Variants in MIA2 observed in about 807,000 individuals in gnomAD.
MIA2 encodes the protein MIA SH3 domain ER export factor 2.
A neutral mutation model predicts 167.8 loss-of-function variants in MIA2; 127 were observed. The observed-to-expected ratio is 0.76, with a 90% confidence interval of 0.66 to 0.88. MIA2 has a LOEUF of 0.88. Among genes scored for constraint, MIA2 ranks in the 40% least tolerant of loss-of-function variants. The pLI is 0.00. For missense variants in MIA2, 1,690 were observed against 1,624.7 expected (o/e 1.04, Z -0.69); for synonymous variants, 552 against 541.9 (o/e 1.02, Z -0.26).
At chr14:39,347,845 G>C in intron 27 of MIA2, 74 bp downstream of exon 27, 2 of 1,164,960 alleles carry the variant, frequency 1.7e-6, no homozygotes, top group East Asian at 6.7e-5. Flanking sequence ...TTTTTTTATG[G>C]AGTTTCACTA....
intron 4 of MIA2, among the ~76,000 whole-genome samples, chr14:39,250,620 C>T (rs1001195672): frequency 2.6e-5 from 4 of 151,370 alleles, no homozygotes; most frequent in Admixed American, 1.3e-4. Context: ...CACTGGACCC[C>T]GGGAGGCGGA....
At chr14:39,379,416 A>G (rs572428615) in intron 23 of MIA2, among the ~76,000 whole-genome samples, 9 of 152,244 alleles carry the variant, frequency 5.9e-5, no homozygotes, top group Non-Finnish European at 1.2e-4. Context: ...ACCTTAATTT[A>G]AAACCTTAAA....
At chr14:39,294,792 C>T (rs1469878255) in intron 12 of MIA2, 133 bp from the exon 13 acceptor site, 1 of 673,634 alleles carries the variant, frequency 1.5e-6, no homozygotes, top group Non-Finnish European at 2.7e-6. Context: ...TTTTCTGCTA[C>T]ACCATGCTGC....
intron 23 of MIA2, among the ~76,000 whole-genome samples, chr14:39,369,046 A>G (rs1401472911): frequency 2.6e-5 from 4 of 152,224 alleles, no homozygotes; most frequent in Non-Finnish European, 5.9e-5. Flanking sequence ...CATGTTTCAG[A>G]AAGATGAACT....
chr14:39,241,165 T>C (rs1379894463), intron 3 of MIA2, among the ~76,000 whole-genome samples: 1 of 152,216 alleles, frequency 6.6e-6, no homozygotes, highest in Non-Finnish European at 1.5e-5. Context: ...TATCTGTACA[T>C]CCTCTTTTGC....
rs1396166559 is a variant in MIA2, at chr14:39,320,998, A to G, written c.3438A>G (p.Pro1146=). 2 of 1,613,600 alleles carry G rather than the reference A, an allele frequency of 1.2e-6. No homozygotes were observed. The highest frequency in any genetic ancestry group is 1.7e-5 in the Admixed American group (1 of 59,960). Residue 1146 remains proline (P), a synonymous_variant, in exon 24 of 29, where the codon CCA becomes CCG. Transcript: ENST00000640607. ...AAACAAGAGCTTTTCTCTCTCCTCC[A>G]ACTTTGTTGGAGGGTCCACTCAGAC... The part of the protein sequence containing the change: ...SSETRAFLSP[P]TLLEGPLRLS...
At chr14:39,339,719 T>C (rs1566983975) in intron 25 of MIA2, among the ~76,000 whole-genome samples, 1 of 152,236 alleles carries the variant, frequency 6.6e-6, no homozygotes, top group Non-Finnish European at 1.5e-5. Flanking sequence ...TTTATATCTA[T>C]ACTGTCCAGT....
chr14:39,356,009 A>T (rs144807366), downstream of MIA2, among the ~76,000 whole-genome samples: 7,895 of 152,194 alleles, frequency 0.052, 728 homozygotes, highest in African/African-American at 0.18. Flanking sequence ...TTGGTCTAAA[A>T]TTCTCTTTTT....
intron 23 of MIA2, among the ~76,000 whole-genome samples, chr14:39,364,435 G>GTT (rs112891428): frequency 1.4e-5 from 2 of 147,210 alleles, no homozygotes; most frequent in East Asian, 2.0e-4. Flanking sequence ...TGGTTTGTTG[G>GTT]TTTTTTTTTT....
intron 6 of MIA2, among the ~76,000 whole-genome samples, chr14:39,261,812 C>T (rs1441805690): frequency 2.0e-5 from 3 of 152,126 alleles, no homozygotes; most frequent in African/African-American, 7.2e-5. Flanking sequence ...CTGTTCATAT[C>T]CTTCACCCAC....
At chr14:39,267,461 T>C (rs1339883230) in intron 6 of MIA2, 15 of 1,612,464 alleles carry the variant, frequency 9.3e-6, no homozygotes, top group Non-Finnish European at 1.3e-5. Flanking sequence ...TTTGGCGCTA[T>C]GGAGGAGCCC....
rs183100558 is a variant in MIA2, at chr14:39,339,270, G to T, written c.3656-6634G>T. On this transcript the variant is annotated intron_variant, in intron 25 of 28. Transcript: ENST00000640607. Reference sequence around the variant, plus strand: ...ACAGCCCGCGGAAAGGTACTGGCCCGCAGCCCAGGGGTTAGGGACCCCTGC... The same window carrying T: ...ACAGCCCGCGGAAAGGTACTGGCCCTCAGCCCAGGGGTTAGGGACCCCTGC... 1.7e-3 allele frequency among the ~76,000 whole-genome samples: 265 copies of T among 152,268 alleles called. 1 individual carries two copies. The highest frequency in any genetic ancestry group is 1.5e-3 in the Non-Finnish European group (105 of 68,022).
chr14:39,317,879 A>G, intron 21 of MIA2, 65 bp from the exon 22 acceptor site: 1 of 1,020,292 alleles, frequency 9.8e-7, no homozygotes, highest in Non-Finnish European at 1.4e-6. Flanking sequence ...GTTTATATTG[A>G]CATATTTATG....
At chr14:39,321,996 C>T (rs1191470891) in intron 24 of MIA2, among the ~76,000 whole-genome samples, 5 of 151,756 alleles carry the variant, frequency 3.3e-5, no homozygotes, top group African/African-American at 9.7e-5. Context: ...AGGCTGGTCT[C>T]GAACTCCTGA....
At chr14:39,312,194 G>A (rs1457408229) in intron 18 of MIA2, among the ~76,000 whole-genome samples, 1 of 152,066 alleles carries the variant, frequency 6.6e-6, no homozygotes, top group Non-Finnish European at 1.5e-5. Context: ...TTATTAATAG[G>A]CCCACCCAAA....
chr14:39,352,421 A>G (rs2074413094), downstream of MIA2, among the ~76,000 whole-genome samples: 1 of 152,008 alleles, frequency 6.6e-6, no homozygotes, highest in African/African-American at 2.4e-5. Context: ...AAAATCTTAA[A>G]AAAGGATATA....
rs1477541588 is a variant in MIA2, at chr14:39,263,554, CTTCTT to C, written c.1887+10387_1887+10391del. ...CCAGCATCTTTCTTTTCTTTTCTTT[CTTCTT>C]TTCCTTTCCTTTCCTTTCCTTTCCT... On this transcript the variant is annotated intron_variant, in intron 6 of 28. Transcript: ENST00000640607. Among the ~76,000 whole-genome samples the C allele has an allele frequency of 3.1e-4, 42 of 133,452 alleles. 1 individual carries two copies. Among genetic ancestry groups the C allele is most frequent in the Middle Eastern group, 3.9e-3 (1 of 258 alleles). The allele number at this position is 133,452 out of a possible 152,430, so 87.5% of individuals were successfully genotyped here. A position where few individuals can be genotyped will look rare whatever the true frequency, so the allele number is the denominator to read the frequency against.
chr14:39,318,022 T>A lies in MIA2; in HGVS notation c.3284+11T>A. 6.5e-7 allele frequency: 1 copy of A among 1,547,152 alleles called. No individual in the cohort carries two copies. The highest frequency in any genetic ancestry group is 8.7e-7 in the Non-Finnish European group (1 of 1,143,732). ...TCACAACAGACAAAAGTAAGTATCT[T>A]AGTGGGAACATTTAAAATTAGTTAT... On this transcript the variant is annotated intron_variant, in intron 22 of 28. Transcript: ENST00000640607.
intron 7 of MIA2, among the ~76,000 whole-genome samples, chr14:39,278,761 G>T (rs2058513333): frequency 6.6e-6 from 1 of 151,342 alleles, no homozygotes; most frequent in Non-Finnish European, 1.5e-5. Context: ...TTTGTTTGGG[G>T]AGCAATGGGT....
Sources: gnomAD v4.1 joint callset for allele counts (sites outside exome capture counted in the v4.1 genomes callset) on GRCh38, gnomAD v4.1.1 for gene constraint, MANE v1.5 for transcripts, NCBI Gene and HGNC (gene_info 2026-07-23, HGNC 2026-07-21) for gene names.